Variants in FNDC3B observed in about 807,000 individuals in gnomAD.
FNDC3B encodes fibronectin type III domain containing 3B, also known as fibronectin type III domain-containing protein 3B.
A neutral mutation model predicts 151.5 loss-of-function variants in FNDC3B; 12 were observed. The observed-to-expected ratio is 0.08, with a 90% CI of 0.05 to 0.13. The LOEUF (loss-of-function observed/expected upper bound fraction) is 0.13, where lower values mean the gene tolerates loss of function less well. FNDC3B is among the 10% of genes least tolerant of loss of function. FNDC3B has a pLI of 1.00. For missense variants in FNDC3B, 1,214 were observed against 1,505.3 expected, an observed-to-expected ratio of 0.81 and a Z score of 3.20; for synonymous variants, 528 against 549.0, an observed-to-expected ratio of 0.96 and a Z score of 0.54.
chr3:172,164,979 A>G (rs778951042), intron 3 of FNDC3B, among the ~76,000 whole-genome samples: 3 of 152,180 alleles, frequency 2.0e-5, no homozygotes, highest in Non-Finnish European at 4.4e-5. Flanking sequence ...CTTAAGTATT[A>G]TATATTTTTC....
intron 7 of FNDC3B, among the ~76,000 whole-genome samples, chr3:172,289,929 T>C (rs908933839): frequency 1.3e-5 from 2 of 152,246 alleles, no homozygotes; most frequent in African/African-American, 4.8e-5. Flanking sequence ...TAAGAAATAC[T>C]ACCTGGGACT....
At position 172,377,993 on chromosome 3, in the gene FNDC3B, A is replaced by G. The variant is rs142820401; in HGVS notation, c.3009-277A>G. On this transcript the variant is annotated intron_variant, in intron 23 of 25. Transcript: ENST00000415807. ...AAAATTCTGTTTTTTATTAGTAAAT[A>G]AAAACATGAGCAACTGATGTTTCTA... is the stretch of plus-strand genomic sequence containing the variant. Among the ~76,000 whole-genome samples the G allele has an allele frequency of 3.3e-5, 5 of 152,342 alleles. No individual in the cohort carries two copies. The East Asian group carries it at 9.6e-4, about 29-fold the overall frequency.
Position 172,330,269 on chromosome 3 carries a change from C to T in FNDC3B, c.1380-272C>T, listed in dbSNP as rs115713086. 7.3e-3 allele frequency: 2,287 copies of T among 313,522 alleles called. 18 individuals are homozygous for T. Among genetic ancestry groups the T allele is most frequent in the Non-Finnish European group, 0.01 (1,785 of 170,682 alleles). 19.4% of individuals were successfully genotyped at this position (313,522 alleles called of 1,614,324 possible). A position where few individuals can be genotyped will look rare whatever the true frequency, so the allele number is the denominator to read the frequency against. ...TAATGCCCACACGTCACTTCATTCA[C>T]GTGGACTCAAGATGCAGAACCCAAG... On this transcript the variant is annotated intron_variant, in intron 12 of 25. Coordinates refer to ENST00000415807, the MANE Select transcript of FNDC3B (RefSeq NM_022763.4).
At chr3:172,181,696 G>T (rs1326322148) in intron 3 of FNDC3B, among the ~76,000 whole-genome samples, 3 of 151,804 alleles carry the variant, frequency 2.0e-5, no homozygotes, top group Non-Finnish European at 4.4e-5. Flanking sequence ...AGGTGTGGTG[G>T]CACACACCTG....
At chr3:172,219,191 T>A (rs972563997) in intron 3 of FNDC3B, among the ~76,000 whole-genome samples, 2 of 152,318 alleles carry the variant, frequency 1.3e-5, no homozygotes, top group East Asian at 3.9e-4. Context: ...TCTTTTTAAA[T>A]CTTGTAAAAT....
chr3:172,165,000 A>G (rs1559996583), intron 3 of FNDC3B, among the ~76,000 whole-genome samples: 2 of 152,156 alleles, frequency 1.3e-5, no homozygotes, highest in Non-Finnish European at 2.9e-5. Context: ...AAGATATCTT[A>G]GGAATAGTTA....
chr3:172,387,368 G>GA (rs1340235806), intron 25 of FNDC3B, among the ~76,000 whole-genome samples: 1 of 152,162 alleles, frequency 6.6e-6, no homozygotes, highest in African/African-American at 2.4e-5. Flanking sequence ...AAAGTGCAGG[G>GA]ATTATAGGCG....
intron 6 of FNDC3B, among the ~76,000 whole-genome samples, chr3:172,277,306 C>A (rs555528922): frequency 6.6e-6 from 1 of 152,134 alleles, no homozygotes; most frequent in South Asian, 2.1e-4. Flanking sequence ...TTATTTCTTA[C>A]AGTTCTGAAG....
intron 13 of FNDC3B, among the ~76,000 whole-genome samples, chr3:172,332,774 C>T (rs1732746217): frequency 1.3e-5 from 2 of 152,162 alleles, no homozygotes; most frequent in African/African-American, 2.4e-5. Flanking sequence ...GTAAAGACCT[C>T]GGTGCAAAGG....
At chr3:172,266,940 T>G (rs187192734) in intron 6 of FNDC3B, among the ~76,000 whole-genome samples, 2 of 152,288 alleles carry the variant, frequency 1.3e-5, no homozygotes, top group African/African-American at 4.8e-5. Flanking sequence ...AGCCAGCCCA[T>G]TTGGCTGCAT....
intron 3 of FNDC3B, among the ~76,000 whole-genome samples, chr3:172,223,209 G>A (rs970975556): frequency 5.9e-5 from 9 of 152,148 alleles, no homozygotes; most frequent in Non-Finnish European, 8.8e-5. Flanking sequence ...GGAAATAAAT[G>A]TTTAGGAAGA....
chr3:172,245,964 A>G (rs1727753590), intron 4 of FNDC3B, among the ~76,000 whole-genome samples: 1 of 152,244 alleles, frequency 6.6e-6, no homozygotes, highest in African/African-American at 2.4e-5. Context: ...CCGTTCATTC[A>G]ATCTAAACCT....
chr3:172,147,170 G>T (rs561278839), intron 3 of FNDC3B, among the ~76,000 whole-genome samples: 1 of 152,220 alleles, frequency 6.6e-6, no homozygotes, highest in African/African-American at 2.4e-5. Context: ...GCCAGGTGTG[G>T]TGGTGCATGC....
At chr3:172,052,098 T>C (rs1214762704) in intron 1 of FNDC3B, among the ~76,000 whole-genome samples, 2 of 152,052 alleles carry the variant, frequency 1.3e-5, no homozygotes, top group East Asian at 3.8e-4. Context: ...CTTTTTTTTT[T>C]TTTTGAGACA....
chr3:172,134,307 A>C (rs1267075892), intron 3 of FNDC3B: 16 of 509,028 alleles, frequency 3.1e-5, no homozygotes. Flanking sequence ...ATCCATATGG[A>C]GTTCTGTGTA....
At chr3:172,264,784 G>T (rs1033348764) in intron 6 of FNDC3B, among the ~76,000 whole-genome samples, 3 of 152,118 alleles carry the variant, frequency 2.0e-5, no homozygotes, top group African/African-American at 7.2e-5. Flanking sequence ...GAAGAAGAAA[G>T]TTTCAATAAT....
chr3:172,051,812 A>T (rs1344945048), intron 1 of FNDC3B, among the ~76,000 whole-genome samples: 1 of 152,212 alleles, frequency 6.6e-6, no homozygotes, highest in Non-Finnish European at 1.5e-5. Flanking sequence ...CTAGCTTTTT[A>T]TTCATTGCTA....
intron 3 of FNDC3B, among the ~76,000 whole-genome samples, chr3:172,155,647 A>G (rs1722443775): frequency 6.6e-6 from 1 of 152,230 alleles, no homozygotes. Flanking sequence ...TAACTCAGTC[A>G]ACAGAAGCCT....
Position 172,343,517 on chromosome 3 carries a change from G to A in FNDC3B, c.2077+401G>A, listed in dbSNP as rs183177040. Among the ~76,000 whole-genome samples the A allele has an allele frequency of 7.2e-5, 11 of 152,292 alleles. No homozygotes were observed. The East Asian group carries it at 1.2e-3, about 16-fold the overall frequency. ...ATAAGATCACATGGAATTCTTTCTCGTCTTTGTTTGCAACCACCTCTGCTG... is the reference window on the plus strand; with the variant it reads ...ATAAGATCACATGGAATTCTTTCTCATCTTTGTTTGCAACCACCTCTGCTG... On this transcript the variant is annotated intron_variant, in intron 18 of 25. Coordinates refer to ENST00000415807, the MANE Select transcript of FNDC3B (RefSeq NM_022763.4).
Sources: gnomAD v4.1 joint callset for allele counts (sites outside exome capture counted in the v4.1 genomes callset) on GRCh38, gnomAD v4.1.1 for gene constraint, MANE v1.5 for transcripts, NCBI Gene and HGNC (gene_info 2026-07-23, HGNC 2026-07-21) for gene names.